RNF4: variants seen among roughly 807,000 people sequenced by gnomAD.
RNF4 encodes ring finger protein 4.
In RNF4, 7 loss-of-function variants were observed where a neutral mutation model predicts 24.3. The observed-to-expected ratio is 0.29, with a 90% CI of 0.16 to 0.54. The LOEUF (loss-of-function observed/expected upper bound fraction) is 0.54. Among genes scored for constraint, RNF4 ranks in the 20% least tolerant of loss-of-function variants. The pLI, the probability that RNF4 is intolerant of heterozygous loss-of-function variation, is 0.95. For synonymous variants in RNF4, 83 were observed against 84.3 expected (o/e 0.98, Z 0.09); for missense variants, 209 against 248.5 (o/e 0.84, Z 1.07).
chr4:2,490,464 T>C lies in RNF4; in HGVS notation c.-30T>C, dbSNP rs34742072. ...CCTTGGTATAGATCACTTCCTTTTC[T>C]GTAGGAAAGGAAAGGCACCAAAGAG... On this transcript the variant is annotated 5_prime_UTR_variant, in exon 2 of 8. Coordinates refer to ENST00000314289, the MANE Select transcript of RNF4 (RefSeq NM_002938.5). The C allele has an allele frequency of 0.053, 84,665 of 1,610,498 alleles. 2,878 individuals carry two copies. The highest frequency in any genetic ancestry group is 0.14 in the Middle Eastern group (816 of 5,976).
chr4:2,494,903 T>C (rs1436593811), intron 2 of RNF4, among the ~76,000 whole-genome samples: 2 of 152,216 alleles, frequency 1.3e-5, no homozygotes, highest in East Asian at 1.9e-4. Flanking sequence ...CTAGCAGATA[T>C]TTAAGAATGT....
chr4:2,497,175 CTG>C, intron 3 of RNF4, 54 bp downstream of exon 3: 2 of 1,382,512 alleles, frequency 1.4e-6, no homozygotes, highest in Non-Finnish European at 2.0e-6. Flanking sequence ...AGAGAGAACA[CTG>C]TACCAGGGTG....
chr4:2,500,516 C>A, intron 3 of RNF4, 143 bp from the exon 4 acceptor site: 1 of 752,664 alleles, frequency 1.3e-6, no homozygotes, highest in South Asian at 1.7e-5. Context: ...AGGTGTTGGT[C>A]CTGGTGCTCT....
intron 2 of RNF4, among the ~76,000 whole-genome samples, chr4:2,492,081 C>T (rs1735598678): frequency 6.6e-6 from 1 of 151,972 alleles, no homozygotes; most frequent in South Asian, 2.1e-4. Flanking sequence ...CGCCTGTAGT[C>T]CCAGCTACTC....
chr4:2,472,331 T>C (rs1454182087), intron 1 of RNF4, among the ~76,000 whole-genome samples: 1 of 152,230 alleles, frequency 6.6e-6, no homozygotes, highest in Non-Finnish European at 1.5e-5. Flanking sequence ...TTTCAAAATA[T>C]TACTGCTCAT....
At chr4:2,507,431 G>A (rs957911958) in intron 4 of RNF4, among the ~76,000 whole-genome samples, 3 of 152,198 alleles carry the variant, frequency 2.0e-5, no homozygotes, top group Admixed American at 6.5e-5. Context: ...TGCCAGTGCC[G>A]CAAGTAACAG....
rs944678247 is a variant in RNF4 at position 2,512,366 on chromosome 4, C to G, written c.215-72C>G. 2 of 1,514,796 alleles carry G rather than the reference C, an allele frequency of 1.3e-6. No homozygotes were observed. The highest frequency in any genetic ancestry group is 2.8e-5 in the African/African-American group (2 of 72,478). The allele number at this position is 1,514,796 out of a possible 1,614,324, so 93.8% of individuals were successfully genotyped here. A position where few individuals can be genotyped will look rare whatever the true frequency, so the allele number is the denominator to read the frequency against. On this transcript the variant is annotated intron_variant, in intron 5 of 7. Transcript: ENST00000314289. The surrounding 1 kb of genome is among the most constrained non-coding windows in gnomAD (Gnocchi z 4.1). ...AGGGAAGGAAGAGGGTCTTAAGAGG[C>G]GTCAGGATGGGAGTGGTGAGGATGG...
chr4:2,501,214 G>C (rs1735899911), intron 4 of RNF4, among the ~76,000 whole-genome samples: 1 of 152,262 alleles, frequency 6.6e-6, no homozygotes, highest in African/African-American at 2.4e-5. Context: ...TACAACAGAT[G>C]CCGTGTTTGA....
Position 2,485,185 on chromosome 4 carries a change from C to G in RNF4, c.-157-5152C>G, listed in dbSNP as rs1735369391. Reference sequence around the variant, plus strand: ...TTGGGCTGGGACTGCGACTCCTTTGCTGCTGCTTCCACTTGCTTAGGTCAC... The same window carrying G: ...TTGGGCTGGGACTGCGACTCCTTTGGTGCTGCTTCCACTTGCTTAGGTCAC... On this transcript the variant is annotated intron_variant, in intron 1 of 7. Coordinates refer to ENST00000314289, the MANE Select transcript of RNF4 (RefSeq NM_002938.5). Among the ~76,000 whole-genome samples, 4 of 152,190 alleles carry G rather than the reference C, an allele frequency of 2.6e-5. No homozygotes were observed. In the South Asian group the frequency reaches 8.3e-4, roughly 32 times the overall value.
chr4:2,498,186 G>A (rs1045339992), intron 3 of RNF4, among the ~76,000 whole-genome samples: 1 of 151,972 alleles, frequency 6.6e-6, no homozygotes, highest in African/African-American at 2.4e-5. Context: ...GCACTGTTTT[G>A]TTTTTGTTTC....
At chr4:2,477,723 T>C (rs539049410) in intron 1 of RNF4, among the ~76,000 whole-genome samples, 1 of 152,204 alleles carries the variant, frequency 6.6e-6, no homozygotes, top group Non-Finnish European at 1.5e-5. Flanking sequence ...CCCCGGCCAT[T>C]TGGAACTGGC....
At chr4:2,475,574 A>G (rs1405584480) in intron 1 of RNF4, among the ~76,000 whole-genome samples, 4 of 149,454 alleles carry the variant, frequency 2.7e-5, no homozygotes, top group Admixed American at 2.0e-4. Context: ...TCCTGACCTC[A>G]AGATCCACCC....
chr4:2,487,483 G>A (rs903110062), intron 1 of RNF4, among the ~76,000 whole-genome samples: 5 of 152,030 alleles, frequency 3.3e-5, no homozygotes, highest in Non-Finnish European at 7.4e-5. Flanking sequence ...ACGGGGTTTC[G>A]CCATGTTGGC....
At position 2,477,872 on chromosome 4, in the gene RNF4, C is replaced by T. The variant is rs1282376475; in HGVS notation, c.-158+8614C>T. ...AAGATACCTGAAAATTTGGAAACAG[C>T]TTTGCAACTGGGTAGCAGGCAGGGA... On this transcript the variant is annotated intron_variant, in intron 1 of 7. Transcript: ENST00000314289. Among the ~76,000 whole-genome samples the T allele has an allele frequency of 2.6e-5, 4 of 152,180 alleles. No homozygotes were observed. The East Asian group carries it at 7.7e-4, about 29-fold the overall frequency.
intron 1 of RNF4, among the ~76,000 whole-genome samples, chr4:2,486,310 T>C (rs1735406491): frequency 6.6e-6 from 1 of 152,176 alleles, no homozygotes; most frequent in South Asian, 2.1e-4. Context: ...CCAGAACCCT[T>C]TGTAGTTGGT....
chr4:2,493,743 T>TA lies in RNF4; in HGVS notation c.10-3242dup, dbSNP rs34740719. ...TGAGCAACAGAGTGAGACTCCGTCT[T>TA]AAAAAAAAAAAAAAAAAAAAAAGAC... On this transcript the variant is annotated intron_variant, in intron 2 of 7. Coordinates refer to ENST00000314289, the MANE Select transcript of RNF4 (RefSeq NM_002938.5). Among the ~76,000 whole-genome samples, 463 of 88,034 alleles carry TA rather than the reference T, an allele frequency of 5.3e-3. 5 individuals are homozygous for TA. The highest frequency in any genetic ancestry group is 0.014 in the Middle Eastern group (2 of 144). 57.8% of individuals were successfully genotyped at this position (88,034 alleles called of 152,430 possible). A position where few individuals can be genotyped will look rare whatever the true frequency, so the allele number is the denominator to read the frequency against.
At chr4:2,477,312 G>C (rs536759916) in intron 1 of RNF4, among the ~76,000 whole-genome samples, 47 of 152,078 alleles carry the variant, frequency 3.1e-4, no homozygotes, top group African/African-American at 1.1e-3. Flanking sequence ...TTAGGTCGGG[G>C]GCGGTGGCTG....
intron 1 of RNF4, among the ~76,000 whole-genome samples, chr4:2,485,697 T>C (rs1180131877): frequency 6.6e-6 from 1 of 152,184 alleles, no homozygotes; most frequent in Non-Finnish European, 1.5e-5. Context: ...GCTCCTCTTT[T>C]CTCAGTGGCA....
At chr4:2,476,645 C>A (rs995509322) in intron 1 of RNF4, among the ~76,000 whole-genome samples, 5 of 152,008 alleles carry the variant, frequency 3.3e-5, no homozygotes, top group Non-Finnish European at 7.4e-5. Flanking sequence ...CCCACCTCGG[C>A]CTCCCAAAGT....
Sources: allele counts gnomAD v4.1 joint callset (sites outside exome capture counted in the v4.1 genomes callset), GRCh38; gene constraint gnomAD v4.1.1; non-coding constraint Gnocchi (gnomAD v3.1); transcripts MANE v1.5; gene names NCBI Gene and HGNC (gene_info 2026-07-23, HGNC 2026-07-21).